The following NCKAP5 variants were observed in gnomAD, a reference collection of about 807,000 sequenced individuals.
The protein encoded by NCKAP5 is nck-associated protein 5.
In NCKAP5, 92 loss-of-function variants were observed where a neutral mutation model predicts 167.0. That is an observed-to-expected ratio of 0.55 (90% CI 0.47 to 0.66). The LOEUF is 0.66. Among genes scored for constraint, NCKAP5 ranks in the 30% least tolerant of loss-of-function variants. The pLI is 0.00. For synonymous variants in NCKAP5, 891 were observed against 877.4 expected, an observed-to-expected ratio of 1.02 and a Z score of -0.27; for missense variants, 2,378 against 2,315.0, an observed-to-expected ratio of 1.03 and a Z score of -0.56.
At chr2:133,204,585 C>T (rs2085859036) in intron 5 of NCKAP5, among the ~76,000 whole-genome samples, 1 of 152,130 alleles carries the variant, frequency 6.6e-6, no homozygotes, top group Non-Finnish European at 1.5e-5. Context: ...AGAAACAGTG[C>T]TAAAGAGTAA....
chr2:132,875,046 TCTA>T (rs1470765481), intron 9 of NCKAP5, among the ~76,000 whole-genome samples: 1 of 152,100 alleles, frequency 6.6e-6, no homozygotes, highest in Non-Finnish European at 1.5e-5. Flanking sequence ...CTTTCATCCT[TCTA>T]CTGAAAATTT....
chr2:133,093,062 C>T (rs1441211531), intron 6 of NCKAP5, among the ~76,000 whole-genome samples: 6 of 152,100 alleles, frequency 3.9e-5, no homozygotes, highest in Non-Finnish European at 5.9e-5. Context: ...AATAATAATC[C>T]CTTCCTTGTA....
upstream of NCKAP5, among the ~76,000 whole-genome samples, chr2:133,570,895 C>T (rs1376989689): frequency 6.6e-6 from 1 of 152,072 alleles, no homozygotes; most frequent in Non-Finnish European, 1.5e-5. Context: ...TTTTCAGTGG[C>T]CGGGAGTGAT....
intron 5 of NCKAP5, among the ~76,000 whole-genome samples, chr2:133,164,611 C>T (rs1342543031): frequency 5.3e-5 from 8 of 152,152 alleles, no homozygotes; most frequent in Admixed American, 3.9e-4. Flanking sequence ...TGCATCTTGT[C>T]TTTCACCATT....
intron 1 of NCKAP5, among the ~76,000 whole-genome samples, chr2:133,564,678 C>G (rs190508048): frequency 6.6e-6 from 1 of 151,978 alleles, no homozygotes; most frequent in Non-Finnish European, 1.5e-5. Context: ...AGCCAAGGAA[C>G]GTGGAAGGAT....
intron 3 of NCKAP5, among the ~76,000 whole-genome samples, chr2:133,390,524 C>T (rs1209053138): frequency 2.0e-5 from 3 of 152,148 alleles, no homozygotes; most frequent in Admixed American, 6.5e-5. Context: ...ACAGAAAATG[C>T]TCTTTCTAAT....
At chr2:132,762,904 T>G (rs1681134638) in intron 16 of NCKAP5, among the ~76,000 whole-genome samples, 1 of 152,132 alleles carries the variant, frequency 6.6e-6, no homozygotes, top group African/African-American at 2.4e-5. Flanking sequence ...TGCCAGTGGG[T>G]GGGAAATTCA....
intron 2 of NCKAP5, among the ~76,000 whole-genome samples, chr2:133,544,513 C>G (rs1045185943): frequency 3.9e-5 from 6 of 152,200 alleles, no homozygotes; most frequent in African/African-American, 1.4e-4. Flanking sequence ...CTTTCCATGT[C>G]AAGATACCAA....
rs183935831 is a variant in NCKAP5, at chr2:133,125,457, T to C, written c.341+4521A>G. 2.1e-4 allele frequency among the ~76,000 whole-genome samples: 32 copies of C among 152,268 alleles called. No individual in the cohort carries two copies. In the East Asian group the frequency reaches 5.2e-3, roughly 25 times the overall value. ...CCTTGGCTGTCTGGACAATCACAAT[T>C]CAAACAAGCGGTTAGAGGAGTGGGG... On this transcript the variant is annotated intron_variant, in intron 6 of 19. Transcript: ENST00000409261.
chr2:133,273,284 G>A (rs2089593944), intron 4 of NCKAP5, among the ~76,000 whole-genome samples: 1 of 152,086 alleles, frequency 6.6e-6, no homozygotes, highest in Non-Finnish European at 1.5e-5. Flanking sequence ...TTTTCCTGAT[G>A]GCTAATGACG....
At chr2:133,588,319 T>C in the NCKAP5 span, among the ~76,000 whole-genome samples, 1 of 97,258 alleles carries the variant, frequency 1.0e-5, no homozygotes, top group Non-Finnish European at 1.9e-5. Flanking sequence ...CCCTCCCCCT[T>C]CCTCCCCTCC....
intron 7 of NCKAP5, among the ~76,000 whole-genome samples, chr2:132,985,990 C>A (rs2077275968): frequency 6.6e-6 from 1 of 152,226 alleles, no homozygotes; most frequent in Middle Eastern, 3.4e-3. Flanking sequence ...TTTTCCCAGC[C>A]TGTGTGCACT....
At chr2:133,465,710 G>A (rs1014010782) in intron 3 of NCKAP5, among the ~76,000 whole-genome samples, 21 of 152,222 alleles carry the variant, frequency 1.4e-4, no homozygotes, top group African/African-American at 4.8e-4. Context: ...TCTAACTGGT[G>A]TGAGATGGTA....
intron 2 of NCKAP5, among the ~76,000 whole-genome samples, chr2:133,537,491 T>G (rs1685854045): frequency 1.3e-5 from 2 of 152,154 alleles, no homozygotes; most frequent in South Asian, 4.1e-4. Context: ...TTTATAAGTT[T>G]TAGTGTACAA....
chr2:133,518,186 TTAGATA>T (rs1684171776), intron 2 of NCKAP5, among the ~76,000 whole-genome samples: 1 of 152,110 alleles, frequency 6.6e-6, no homozygotes, highest in African/African-American at 2.4e-5. Flanking sequence ...TTTTACCATA[TTAGATA>T]TAGTTCATCC....
In NCKAP5 at chr2:132,952,116, C is replaced by T. The variant is rs1343767225; in HGVS notation, c.579+11604G>A. Among the ~76,000 whole-genome samples the T allele has an allele frequency of 6.6e-5, 10 of 152,082 alleles. No homozygotes were observed. In the East Asian group the frequency reaches 1.5e-3, roughly 23 times the overall value. On this transcript the variant is annotated intron_variant, in intron 8 of 19. Transcript: ENST00000409261. The stretch of plus-strand genomic sequence containing the variant: ...AGTTTCTGACATCAAAATTTATGCT[C>T]TGTGAAAAAAAACAAGGCCATGGCT...
At chr2:132,775,421 G>T (rs887133315) in intron 15 of NCKAP5, among the ~76,000 whole-genome samples, 1 of 152,162 alleles carries the variant, frequency 6.6e-6, no homozygotes, top group African/African-American at 2.4e-5. Flanking sequence ...CTCAACACTG[G>T]CAAGGACAGA....
intron 4 of NCKAP5, among the ~76,000 whole-genome samples, chr2:133,224,620 T>G (rs1055045756): frequency 6.6e-6 from 1 of 152,222 alleles, no homozygotes; most frequent in South Asian, 2.1e-4. Context: ...TTCATTAGAA[T>G]AATATATGCT....
At chr2:133,143,264 C>T (rs2083066832) in intron 5 of NCKAP5, among the ~76,000 whole-genome samples, 1 of 152,110 alleles carries the variant, frequency 6.6e-6, no homozygotes, top group African/African-American at 2.4e-5. Flanking sequence ...TCAATCAGAA[C>T]AGGTGTGTTA....
Sources: allele counts gnomAD v4.1 joint callset (sites outside exome capture counted in the v4.1 genomes callset), GRCh38; gene constraint gnomAD v4.1.1; transcripts MANE v1.5; gene names NCBI Gene and HGNC (gene_info 2026-07-23, HGNC 2026-07-21).